Variants in POTEC observed in about 807,000 individuals in gnomAD.
POTEC encodes the protein ANKRD26-like family B member 2.
In POTEC, 35 loss-of-function variants were observed where a neutral mutation model predicts 62.0. The observed-to-expected ratio is 0.56, with a 90% CI of 0.43 to 0.75. The LOEUF (loss-of-function observed/expected upper bound fraction) is 0.75. Among genes scored for constraint, POTEC ranks in the 30% least tolerant of loss-of-function variants. The pLI is 0.00. For synonymous variants in POTEC, 156 were observed against 221.5 expected (o/e 0.70, Z 2.62); for missense variants, 472 against 655.9 (o/e 0.72, Z 3.06).
Position 14,520,481 on chromosome 18 carries a change from T to C in POTEC, c.1409+1773A>G, listed in dbSNP as rs371239504. On this transcript the variant is annotated intron_variant, in intron 9 of 10. Coordinates refer to ENST00000358970, the MANE Select transcript of POTEC (RefSeq NM_001137671.2). Reference sequence around the variant, plus strand: ...GTTGATACTCATCAAATATACAAAGTAATTGATCACTGTAAAATACTGAGT... The same window carrying C: ...GTTGATACTCATCAAATATACAAAGCAATTGATCACTGTAAAATACTGAGT... 2.2e-4 allele frequency among the ~76,000 whole-genome samples: 34 copies of C among 152,296 alleles called. No individual in the cohort carries two copies. The East Asian group carries it at 6.0e-3, about 27-fold the overall frequency.
chr18:14,517,711 T>C (rs1268194555), intron 9 of POTEC, among the ~76,000 whole-genome samples: 1 of 152,232 alleles, frequency 6.6e-6, no homozygotes, highest in South Asian at 2.1e-4. Context: ...AAAATACAAA[T>C]ATTAGCCGGG....
chr18:14,515,260 A>G (rs937988498), intron 9 of POTEC, among the ~76,000 whole-genome samples: 1 of 152,236 alleles, frequency 6.6e-6, no homozygotes, highest in African/African-American at 2.4e-5. Context: ...ACCAAGCAAA[A>G]GGAACAAACA....
intron 4 of POTEC, 137 bp from the exon 5 acceptor site, chr18:14,533,335 C>G (rs1224703315): frequency 6.7e-7 from 1 of 1,503,214 alleles, no homozygotes; most frequent in African/African-American, 1.4e-5. Context: ...AAGACATAAG[C>G]ATCTTGGGTG....
At chr18:14,531,227 A>G (rs936539846) in intron 5 of POTEC, among the ~76,000 whole-genome samples, 3 of 151,478 alleles carry the variant, frequency 2.0e-5, no homozygotes, top group Admixed American at 6.6e-5. Flanking sequence ...ATCTCTCATT[A>G]AAGTAGATAA....
intron 3 of POTEC, among the ~76,000 whole-genome samples, chr18:14,536,463 G>T (rs1393155748): frequency 1.3e-5 from 2 of 151,918 alleles, no homozygotes; most frequent in Non-Finnish European, 2.9e-5. Flanking sequence ...GAACTCCTAA[G>T]CTCAAGCAAT....
At chr18:14,537,199 ACACAC>A in intron 3 of POTEC, among the ~76,000 whole-genome samples, 1 of 88,842 alleles carries the variant, frequency 1.1e-5, no homozygotes, top group South Asian at 5.0e-4. Context: ...ACACACACAC[ACACAC>A]ACACACAAAA....
Position 14,543,012 on chromosome 18 carries a change from A to G in POTEC, c.135T>C (p.Thr45=), listed in dbSNP as rs1319398621. The change falls in exon 1 of 11, where the codon ACT becomes ACC. Residue 45 remains threonine (T), a synonymous_variant. Transcript: ENST00000358970. Reference sequence around the variant, plus strand: ...TAAAGGAGTCGTCGTGGTCTCCAGAAGTGCCCATGTTGCTCTTGCCGCTCC... The same window carrying G: ...TAAAGGAGTCGTCGTGGTCTCCAGAGGTGCCCATGTTGCTCTTGCCGCTCC... ...CKGSGKSNMG[T]SGDHDDSFMK... The G allele has an allele frequency of 1.2e-6, 2 of 1,613,304 alleles. No individual in the cohort carries two copies. The highest frequency in any genetic ancestry group is 2.7e-5 in the African/African-American group (2 of 74,778).
At chr18:14,519,277 A>G (rs1244646100) in intron 9 of POTEC, among the ~76,000 whole-genome samples, 5 of 152,206 alleles carry the variant, frequency 3.3e-5, no homozygotes, top group Admixed American at 3.3e-4. Context: ...CAGTAGCCCA[A>G]TTTTGGATCT....
At chr18:14,538,071 T>G (rs2143165579) in intron 2 of POTEC, 64 bp downstream of exon 2, 1 of 1,516,292 alleles carries the variant, frequency 6.6e-7, no homozygotes, top group South Asian at 1.3e-5. Flanking sequence ...ATGAGAAAAC[T>G]CATTTTTATG....
chr18:14,527,296 G>GA (rs1910461480), intron 6 of POTEC, among the ~76,000 whole-genome samples: 1 of 152,114 alleles, frequency 6.6e-6, no homozygotes, highest in Non-Finnish European at 1.5e-5. Flanking sequence ...AGGAAGAACA[G>GA]AAAAATGCCC....
intron 1 of POTEC, among the ~76,000 whole-genome samples, chr18:14,540,534 C>T (rs930546163): frequency 6.6e-6 from 1 of 152,158 alleles, no homozygotes; most frequent in Non-Finnish European, 1.5e-5. Context: ...TACATCTTTG[C>T]ATGCCGACAT....
chr18:14,512,132 C>T, intron 10 of POTEC, 139 bp from the exon 11 acceptor site: 1 of 619,928 alleles, frequency 1.6e-6, no homozygotes, highest in East Asian at 3.1e-5. Context: ...AAAAGTTGGA[C>T]AAAACTTCAA....
At position 14,542,828 on chromosome 18, in the gene POTEC, G is replaced by A. The variant is rs534656103; in HGVS notation, c.319C>T (p.Pro107Ser). 70 of 1,613,410 alleles carry A rather than the reference G, an allele frequency of 4.3e-5. No homozygotes were observed. The African/African-American group carries it at 6.0e-4, about 14-fold the overall frequency. ...CTCTTGCCGCTCCCCCTGCAGCAGG[G>A]GAAGCAGTGACAGCACCACTTGCCC... ...KMGKWCCHCF[P>S]CCRGSGKSNV... The change falls in exon 1 of 11, where the codon CCC becomes TCC. Residue 107 changes from proline (P) to serine (S), a missense_variant. Pro to Ser is a moderately conservative substitution (Grantham distance 74, BLOSUM62 -1). Transcript: ENST00000358970.
intron 9 of POTEC, among the ~76,000 whole-genome samples, chr18:14,519,995 T>C (rs184516200): frequency 1.3e-5 from 2 of 152,102 alleles, no homozygotes; most frequent in East Asian, 3.9e-4. Context: ...AAAAAATTAG[T>C]GATAATCTTG....
chr18:14,526,848 T>A (rs1024237377), intron 6 of POTEC, among the ~76,000 whole-genome samples: 1 of 152,130 alleles, frequency 6.6e-6, no homozygotes, highest in Non-Finnish European at 1.5e-5. Context: ...TAGATGTAGA[T>A]CATTTTAATG....
chr18:14,533,826 G>A (rs1400766160), intron 4 of POTEC, among the ~76,000 whole-genome samples: 1 of 150,976 alleles, frequency 6.6e-6, no homozygotes, highest in East Asian at 1.9e-4. Flanking sequence ...AGAAAGTTAG[G>A]AATTAAATCC....
rs1424071236 is a variant in POTEC at position 14,543,122 on chromosome 18, G to T, written c.25C>A (p.Pro9Thr). 16 of 1,613,834 alleles carry T rather than the reference G, an allele frequency of 9.9e-6. No individual in the cohort carries two copies. The highest frequency in any genetic ancestry group is 1.2e-5 in the Non-Finnish European group (14 of 1,179,878). ...GGCTTCTTCACAGCAGAGGCAGCGG[G>T]CATTGAACAAACCTCAGTCACCATC... is the stretch of plus-strand genomic sequence containing the variant. MVTEVCSM[P>T]AASAVKKPFD... is the part of the protein sequence containing the mutation. Residue 9 changes from proline (P) to threonine (T), a missense_variant, in exon 1 of 11, where the codon CCC becomes ACC. By Grantham distance (38) the Pro-to-Thr change is conservative. This residue lies in a region of POTEC where 257 missense variants were observed against 250.7 expected (regional missense o/e 1.03). Coordinates refer to ENST00000358970, the MANE Select transcript of POTEC (RefSeq NM_001137671.2).
chr18:14,520,923 T>G (rs899592291), intron 9 of POTEC, among the ~76,000 whole-genome samples: 51 of 152,218 alleles, frequency 3.4e-4, no homozygotes, highest in African/African-American at 1.1e-3. Flanking sequence ...TGCAGTGAGC[T>G]GTGATCACAC....
intron 7 of POTEC, among the ~76,000 whole-genome samples, chr18:14,524,083 GA>G (rs1395636405): frequency 6.6e-6 from 1 of 152,102 alleles, no homozygotes; most frequent in African/African-American, 2.4e-5. Context: ...GCTGTAATAT[GA>G]TAGTGTTATG....
Sources: gnomAD v4.1 joint callset for allele counts (sites outside exome capture counted in the v4.1 genomes callset) on GRCh38, gnomAD v4.1.1 for gene constraint, gnomAD v4.1.1 regional missense constraint, MANE v1.5 for transcripts, NCBI Gene and HGNC (gene_info 2026-07-23, HGNC 2026-07-21) for gene names.